Variants in SLC23A2 observed in about 807,000 individuals in gnomAD.
SLC23A2 encodes solute carrier family 23 member 2, also known as Na(+)/L-ascorbic acid transporter 2.
In SLC23A2, 36 loss-of-function variants were observed where a neutral mutation model predicts 73.3. The ratio of observed to expected loss-of-function variants is 0.49; its 90% confidence interval spans 0.38 to 0.65. SLC23A2 has a LOEUF of 0.65. Among genes scored for constraint, SLC23A2 ranks in the 30% least tolerant of loss-of-function variants. The pLI is 0.00. For missense variants in SLC23A2, 507 were observed against 841.6 expected, an observed-to-expected ratio of 0.60 and a Z score of 4.92; for synonymous variants, 343 against 327.3, an observed-to-expected ratio of 1.05 and a Z score of -0.52.
At chr20:4,918,669 C>G (rs1027113913) in intron 3 of SLC23A2, among the ~76,000 whole-genome samples, 1 of 152,094 alleles carries the variant, frequency 6.6e-6, no homozygotes, top group Non-Finnish European at 1.5e-5. Context: ...GCCCACATTT[C>G]TCAAGCAGAA....
chr20:5,008,711 G>A (rs1166567034), intron 1 of SLC23A2, among the ~76,000 whole-genome samples: 2 of 151,902 alleles, frequency 1.3e-5, no homozygotes, highest in Non-Finnish European at 2.9e-5. Context: ...CCTCCTTTGG[G>A]TGTCCTCCAT....
rs907802107 is a variant in SLC23A2 at position 4,944,319 on chromosome 20, A to C, written c.-154-11603T>G. Among the ~76,000 whole-genome samples the C allele has an allele frequency of 4.6e-5, 7 of 152,240 alleles. No individual in the cohort carries two copies. The South Asian group carries it at 1.4e-3, about 32-fold the overall frequency. ...CAGTGGTGCAGTCTCAGCTCACTGC[A>C]ACCTCCACCTCCCGGGTTCAAACAA... On this transcript the variant is annotated intron_variant, in intron 2 of 16. Coordinates refer to ENST00000338244, the MANE Select transcript of SLC23A2 (RefSeq NM_005116.6).
chr20:4,956,621 C>T (rs1029926460), intron 2 of SLC23A2, among the ~76,000 whole-genome samples: 1 of 151,658 alleles, frequency 6.6e-6, no homozygotes, highest in Non-Finnish European at 1.5e-5. Flanking sequence ...CTCTGTGGGC[C>T]CTTCTCTGCC....
At chr20:4,985,827 G>A (rs957442744) in intron 1 of SLC23A2, among the ~76,000 whole-genome samples, 2 of 152,158 alleles carry the variant, frequency 1.3e-5, no homozygotes, top group Non-Finnish European at 2.9e-5. Flanking sequence ...AGTGTTGCCA[G>A]AGGCTGGGTG....
intron 15 of SLC23A2, among the ~76,000 whole-genome samples, chr20:4,860,517 G>A (rs1929916913): frequency 1.3e-5 from 2 of 152,198 alleles, no homozygotes; most frequent in Non-Finnish European, 2.9e-5. Context: ...ATCCATCCAG[G>A]CATGAGCTGT....
chr20:4,984,583 A>G (rs919022322), intron 1 of SLC23A2, among the ~76,000 whole-genome samples: 2 of 151,980 alleles, frequency 1.3e-5, no homozygotes, highest in African/African-American at 4.8e-5. Context: ...GGTCTCAAAT[A>G]TAAACAAAAA....
chr20:4,978,226 G>A (rs773883019), intron 1 of SLC23A2, among the ~76,000 whole-genome samples: 10 of 151,996 alleles, frequency 6.6e-5, no homozygotes, highest in Non-Finnish European at 1.0e-4. Context: ...GGCAACTATC[G>A]GTGCTAATAA....
intron 3 of SLC23A2, among the ~76,000 whole-genome samples, chr20:4,920,260 A>C (rs1932459161): frequency 6.6e-6 from 1 of 152,170 alleles, no homozygotes; most frequent in South Asian, 2.1e-4. Context: ...GACTCCACCA[A>C]ACTATAATGA....
chr20:4,988,817 C>T (rs1025428013), intron 1 of SLC23A2, among the ~76,000 whole-genome samples: 1 of 151,568 alleles, frequency 6.6e-6, no homozygotes, highest in Non-Finnish European at 1.5e-5. Flanking sequence ...GAGGCTGAGA[C>T]AGGAGAAGCG....
chr20:5,000,188 C>T (rs1296734907), intron 1 of SLC23A2, among the ~76,000 whole-genome samples: 1 of 152,142 alleles, frequency 6.6e-6, no homozygotes, highest in East Asian at 1.9e-4. Flanking sequence ...CTTTATACAT[C>T]TCACCAGGTT....
chr20:4,971,965 G>A lies in SLC23A2; in HGVS notation c.-281-1046C>T, dbSNP rs1053713626. On this transcript the variant is annotated intron_variant, in intron 1 of 16. Transcript: ENST00000338244. ...CGGGGAGGGTGCTTCTCAAAAAGCC[G>A]GTCACATTCTGTTTCTCAAACTGGG... 2.0e-5 allele frequency among the ~76,000 whole-genome samples: 3 copies of A among 152,220 alleles called. No homozygotes were observed. In the East Asian group the frequency reaches 5.8e-4, roughly 29 times the overall value.
chr20:4,870,179 G>A lies in SLC23A2; in HGVS notation c.1103-126C>T, dbSNP rs971353023. On this transcript the variant is annotated intron_variant, in intron 11 of 16. Transcript: ENST00000338244. ...ATCCACTTGGATTCTGAAGCTCATG[G>A]AAACTGTTCATTTTAAAATCTTAAG... 3.4e-5 allele frequency: 27 copies of A among 786,686 alleles called. No homozygotes were observed. The Admixed American group carries it at 7.8e-4, about 23-fold the overall frequency. The allele number at this position is 786,686 out of a possible 1,614,324, so 48.7% of individuals were successfully genotyped here.
At position 4,995,531 on chromosome 20, in the gene SLC23A2, T is replaced by A. The variant is rs116591983; in HGVS notation, c.-282+5875A>T. Among the ~76,000 whole-genome samples the A allele has an allele frequency of 5.7e-3, 864 of 152,262 alleles. 9 individuals are homozygous for A. Among genetic ancestry groups the A allele is most frequent in the African/African-American group, 0.019 (793 of 41,552 alleles). The stretch of plus-strand genomic sequence containing the variant: ...ATCCTTCCAACTGTCCTAACTCAGT[T>A]ACCCTCTCCCAGTCACATGCCTCTC... On this transcript the variant is annotated intron_variant, in intron 1 of 16. Coordinates refer to ENST00000338244, the MANE Select transcript of SLC23A2 (RefSeq NM_005116.6).
chr20:4,953,834 A>T (rs188325550), intron 2 of SLC23A2, among the ~76,000 whole-genome samples: 1 of 152,318 alleles, frequency 6.6e-6, no homozygotes, highest in Admixed American at 6.5e-5. Context: ...GGTTGCAGTC[A>T]GCTGAGATTA....
chr20:4,956,996 G>A (rs773687787), intron 2 of SLC23A2, among the ~76,000 whole-genome samples: 7 of 151,686 alleles, frequency 4.6e-5, no homozygotes, highest in Non-Finnish European at 8.8e-5. Context: ...TAGTAGAGAC[G>A]GGGTTTCTCC....
rs1408751966 is a variant in SLC23A2, at chr20:4,854,670, G to A, written c.*2302C>T. ...CCTACAGAGGGCACCCCACATGTTA[G>A]CGGGGTTGAATCCTCCTGATACAAC... On this transcript the variant is annotated 3_prime_UTR_variant, in exon 17 of 17. Coordinates refer to ENST00000338244, the MANE Select transcript of SLC23A2 (RefSeq NM_005116.6). The A allele has an allele frequency of 6.6e-6, 1 of 152,172 alleles. No homozygotes were observed. The highest frequency in any genetic ancestry group is 1.5e-5 in the Non-Finnish European group (1 of 68,044). The allele number at this position is 152,172 out of a possible 1,614,324, so 9.4% of individuals were successfully genotyped here. A position where few individuals can be genotyped will look rare whatever the true frequency, so the allele number is the denominator to read the frequency against.
chr20:5,001,254 G>A (rs1305677695), intron 1 of SLC23A2, among the ~76,000 whole-genome samples, 152 bp downstream of exon 1: 1 of 148,960 alleles, frequency 6.7e-6, no homozygotes, highest in African/African-American at 2.4e-5. Context: ...ATGGGTCGGG[G>A]TGGGGGCGCG....
chr20:4,991,902 C>T (rs2087931841), intron 1 of SLC23A2, among the ~76,000 whole-genome samples: 1 of 152,046 alleles, frequency 6.6e-6, no homozygotes, highest in Non-Finnish European at 1.5e-5. Context: ...TTCCCATTAA[C>T]AGTATTTTGA....
chr20:4,886,253 T>C (rs534015684), intron 6 of SLC23A2, among the ~76,000 whole-genome samples: 1 of 152,380 alleles, frequency 6.6e-6, no homozygotes, highest in East Asian at 1.9e-4. Flanking sequence ...GCTGAGCTTA[T>C]AAACTCCTTT....
Sources: allele counts gnomAD v4.1 joint callset (sites outside exome capture counted in the v4.1 genomes callset), GRCh38; gene constraint gnomAD v4.1.1; transcripts MANE v1.5; gene names NCBI Gene and HGNC (gene_info 2026-07-23, HGNC 2026-07-21).